CNOT10: variants seen among roughly 807,000 people sequenced by gnomAD.
CNOT10 encodes the protein CCR4-NOT transcription complex subunit 10, also known as CCR4-NOT transcription complex, subunit 10.
CNOT10 carries 30 observed loss-of-function variants against 94.6 expected under a neutral mutation model. The ratio of observed to expected loss-of-function variants is 0.32; its 90% CI spans 0.24 to 0.43. The LOEUF (loss-of-function observed/expected upper bound fraction) is 0.43, where lower values mean the gene tolerates loss of function less well. Among genes scored for constraint, CNOT10 ranks in the 20% least tolerant of loss-of-function variants. The probability of loss-of-function intolerance (pLI) is 1.00; values close to 1 mark genes in which losing one functional copy is unlikely to be tolerated. For synonymous variants in CNOT10, 289 were observed against 301.6 expected (o/e 0.96, Z 0.43); for missense variants, 759 against 877.2 (o/e 0.87, Z 1.70).
intron 5 of CNOT10, among the ~76,000 whole-genome samples, chr3:32,713,890 C>T (rs552247039): frequency 3.5e-4 from 53 of 152,198 alleles, no homozygotes; most frequent in African/African-American, 1.2e-3. Flanking sequence ...ATGAATATGC[C>T]ACATTTTAAA....
intron 13 of CNOT10, among the ~76,000 whole-genome samples, chr3:32,740,782 A>G (rs1379272193): frequency 6.6e-6 from 1 of 151,856 alleles, no homozygotes; most frequent in Admixed American, 6.6e-5. Flanking sequence ...GAATGGCGTG[A>G]ACCTGGGAGA....
intron 7 of CNOT10, among the ~76,000 whole-genome samples, chr3:32,718,977 A>G (rs1479545333): frequency 1.3e-5 from 2 of 151,856 alleles, no homozygotes; most frequent in Admixed American, 6.5e-5. Flanking sequence ...TAGGTCGGGC[A>G]TGGTGGCTCA....
In CNOT10 at chr3:32,762,762, C is replaced by T; in HGVS notation, c.1739C>T (p.Ala580Val). 1.3e-6 allele frequency: 2 copies of T among 1,589,940 alleles called. No individual in the cohort carries two copies. The highest frequency in any genetic ancestry group is 3.9e-5 in the Admixed American group (2 of 51,726). The change falls in exon 15 of 19, where the codon GCC becomes GTC. Residue 580 changes from alanine (A) to valine (V), a missense_variant. By Grantham distance (64) the Ala-to-Val change is moderately conservative. Transcript: ENST00000328834. ...TTGGGACATTTATATGCTGCAGAAG[C>T]CCTCATCTCTCTCGACAGAATATCT... The part of the protein sequence containing the change: ...KFLGHLYAAE[A>V]LISLDRISDA...
At chr3:32,764,138 A>AC in intron 15 of CNOT10, 8 of 247,704 alleles carry the variant, frequency 3.2e-5, no homozygotes, top group Non-Finnish European at 4.6e-5. Context: ...CAAAAAAAAA[A>AC]CCAGCCTGAC....
At chr3:32,716,409 T>C (rs1698122880) in intron 6 of CNOT10, 98 bp downstream of exon 6, 1 of 595,786 alleles carries the variant, frequency 1.7e-6, no homozygotes, top group Admixed American at 3.2e-5. Context: ...CAGTCAATAA[T>C]TCAAGGTGCA....
At chr3:32,761,297 G>A (rs923661520) in intron 14 of CNOT10, among the ~76,000 whole-genome samples, 4 of 152,130 alleles carry the variant, frequency 2.6e-5, no homozygotes, top group Non-Finnish European at 4.4e-5. Context: ...AGTACCTTCC[G>A]TCCTTATCAT....
chr3:32,767,540 C>T (rs1700701859), intron 17 of CNOT10, among the ~76,000 whole-genome samples: 1 of 129,676 alleles, frequency 7.7e-6, no homozygotes, highest in Non-Finnish European at 1.7e-5. Context: ...AAAAAAAAGC[C>T]TATGTGGCTT....
intron 10 of CNOT10, among the ~76,000 whole-genome samples, chr3:32,729,986 T>C (rs928928827): frequency 1.3e-5 from 2 of 151,714 alleles, no homozygotes; most frequent in East Asian, 3.9e-4. Flanking sequence ...GCCGGGATGG[T>C]CTCGATCTCC....
At chr3:32,702,884 C>T (rs1209246936) in intron 1 of CNOT10, among the ~76,000 whole-genome samples, 1 of 151,198 alleles carries the variant, frequency 6.6e-6, no homozygotes, top group Non-Finnish European at 1.5e-5. Context: ...TTCTTATTAG[C>T]TTATAACATT....
intron 9 of CNOT10, among the ~76,000 whole-genome samples, chr3:32,725,925 A>ATTGTTTTGTT (rs1575246686): frequency 1.0e-5 from 1 of 100,454 alleles, no homozygotes; most frequent in African/African-American, 4.2e-5. Flanking sequence ...TAGGTTTATT[A>ATTGTTTTGTT]TAGTTTTGTT....
chr3:32,726,907 C>T (rs1335234966), intron 9 of CNOT10, among the ~76,000 whole-genome samples: 8 of 131,968 alleles, frequency 6.1e-5, no homozygotes, highest in East Asian at 2.3e-4. Context: ...AGTGCAGTGG[C>T]GTGATCTTGG....
chr3:32,735,879 C>G (rs980826554), intron 12 of CNOT10, among the ~76,000 whole-genome samples: 27 of 152,026 alleles, frequency 1.8e-4, no homozygotes, highest in African/African-American at 6.5e-4. Flanking sequence ...AGGCAGGGTG[C>G]TGGAGGAGGC....
intron 8 of CNOT10, among the ~76,000 whole-genome samples, chr3:32,723,090 T>A: frequency 6.6e-6 from 1 of 152,018 alleles, no homozygotes; most frequent in East Asian, 1.9e-4. Flanking sequence ...TTTGGGTAGC[T>A]ATTTAGAAAA....
At chr3:32,693,301 C>T (rs566498858) in intron 1 of CNOT10, among the ~76,000 whole-genome samples, 124 of 151,468 alleles carry the variant, frequency 8.2e-4, no homozygotes, top group African/African-American at 2.8e-3. Context: ...ACCGCAGCCT[C>T]GACCTCCCGG....
At chr3:32,720,891 TTTCCTTCCTTCCTTCCTTCCTTCC>T (rs745348303) in intron 8 of CNOT10, among the ~76,000 whole-genome samples, 138 of 107,368 alleles carry the variant, frequency 1.3e-3, no homozygotes, top group African/African-American at 4.8e-3. Flanking sequence ...TTTTCCTTCT[TTTCCTTCCTTCCTTCCTTCCTTCC>T]TTCCTTCCTT....
At chr3:32,754,802 A>T (rs1041230877) in intron 13 of CNOT10, among the ~76,000 whole-genome samples, 3 of 150,228 alleles carry the variant, frequency 2.0e-5, no homozygotes, top group African/African-American at 4.9e-5. Context: ...GATTACAGGC[A>T]TGAGCCACCG....
intron 8 of CNOT10, among the ~76,000 whole-genome samples, chr3:32,720,797 C>G (rs951172494): frequency 6.6e-6 from 1 of 151,690 alleles, no homozygotes; most frequent in Non-Finnish European, 1.5e-5. Flanking sequence ...GATAGCTTGT[C>G]TTTTTTCTTT....
chr3:32,704,882 A>T lies in CNOT10; in HGVS notation c.189A>T (p.Ile63=). The T allele has an allele frequency of 6.3e-7, 1 of 1,576,092 alleles. No individual in the cohort carries two copies. Among genetic ancestry groups the T allele is most frequent in the South Asian group, 1.2e-5 (1 of 83,166 alleles). ...LQDINKDDYK[I]ILNTAVAEFF... ...ATATAAACAAAGATGATTATAAAAT[A>T]ATTTTGAATACAGCAGTAGCTGAGT... The change falls in exon 3 of 19, where the codon ATA becomes ATT. Residue 63 remains isoleucine, a synonymous_variant. Coordinates refer to ENST00000328834, the MANE Select transcript of CNOT10 (RefSeq NM_015442.3).
At chr3:32,714,264 C>T (rs1009602922) in intron 5 of CNOT10, among the ~76,000 whole-genome samples, 3 of 151,996 alleles carry the variant, frequency 2.0e-5, no homozygotes, top group Non-Finnish European at 4.4e-5. Flanking sequence ...TTCCTAATGA[C>T]TAAGGATGTA....
Sources: gnomAD v4.1 joint callset for allele counts (sites outside exome capture counted in the v4.1 genomes callset) on GRCh38, gnomAD v4.1.1 for gene constraint, MANE v1.5 for transcripts, NCBI Gene and HGNC (gene_info 2026-07-23, HGNC 2026-07-21) for gene names.